Variants in LIMK1 observed in about 807,000 individuals in gnomAD.
LIMK1 encodes the protein LIM domain kinase 1, also known as LIM motif-containing protein kinase.
Under a neutral mutation model 77.6 loss-of-function variants are expected in LIMK1, and 21 were observed. The ratio of observed to expected loss-of-function variants is 0.27; its 90% confidence interval spans 0.19 to 0.39. LIMK1 has a LOEUF of 0.39. Ranked by LOEUF, LIMK1 falls within the 10% of genes least tolerant of loss-of-function variation. LIMK1 has a pLI of 1.00. For synonymous variants in LIMK1, 358 were observed against 370.0 expected (o/e 0.97, Z 0.37); for missense variants, 696 against 901.6 (o/e 0.77, Z 2.92).
chr7:74,118,094 A>G (rs1169782294), intron 13 of LIMK1, among the ~76,000 whole-genome samples: 1 of 151,514 alleles, frequency 6.6e-6, no homozygotes, highest in Non-Finnish European at 1.5e-5. Context: ...CTGTGTCTCA[A>G]AAAGAAAAAA....
intron 13 of LIMK1, among the ~76,000 whole-genome samples, chr7:74,118,730 G>C (rs1171318331): frequency 6.6e-6 from 1 of 151,912 alleles, no homozygotes; most frequent in East Asian, 1.9e-4. Context: ...TGCAGTGGGC[G>C]ACAGAGCAAG....
At chr7:74,111,237 G>C (rs1799691953) in intron 10 of LIMK1, 1 of 196,804 alleles carries the variant, frequency 5.1e-6, no homozygotes, top group African/African-American at 2.3e-5. Context: ...AGGAGTTCAA[G>C]ACCAGCCTGA....
chr7:74,092,988 C>T, intron 2 of LIMK1: 1 of 598,684 alleles, frequency 1.7e-6, no homozygotes, highest in Non-Finnish European at 2.7e-6. Context: ...AGGCTCCCTG[C>T]CTGGGGTCCA....
rs1472190388 is a variant in LIMK1 at position 74,085,663 on chromosome 7, TATATGTGGGGTGGGCAGGG to T, written c.56-84_56-66del. The T allele has an allele frequency of 4.0e-6, 4 of 994,188 alleles. No individual in the cohort carries two copies. The African/African-American group carries it at 6.4e-5, about 16-fold the overall frequency. 61.6% of individuals were successfully genotyped at this position (994,188 alleles called of 1,614,324 possible). A position where few individuals can be genotyped will look rare whatever the true frequency, so the allele number is the denominator to read the frequency against. On this transcript the variant is annotated intron_variant, in intron 1 of 15. Transcript: ENST00000336180. ...GTGCGAGGATTGGTGCAGGTGTAGG[TATATGTGGGGTGGGCAGGG>T]CAAGCTGGGCCTGCACCAGATCACA...
rs782179446 is a variant in LIMK1 at position 74,121,250 on chromosome 7, C to G, written c.1893C>G (p.Thr631=). ...LEQLDRGFWE[T]YRRGESGLPA... Reference sequence around the variant, plus strand: ...AGCTGGACAGAGGTTTCTGGGAGACCTACCGGCGCGGCGAGAGCGGACTGC... The same window carrying G: ...AGCTGGACAGAGGTTTCTGGGAGACGTACCGGCGCGGCGAGAGCGGACTGC... The change falls in exon 16 of 16, where the codon ACC becomes ACG. Residue 631 remains threonine, a synonymous_variant. Transcript: ENST00000336180. 4 of 1,613,176 alleles carry G rather than the reference C, an allele frequency of 2.5e-6. No homozygotes were observed. Among genetic ancestry groups the G allele is most frequent in the Non-Finnish European group, 3.4e-6 (4 of 1,179,880 alleles).
At chr7:74,108,028 G>T in intron 9 of LIMK1, 71 bp downstream of exon 9, 1 of 1,106,028 alleles carries the variant, frequency 9.0e-7, no homozygotes, top group Non-Finnish European at 1.3e-6. Flanking sequence ...ATCAACACAG[G>T]TCGGAAAAGG....
At chr7:74,096,600 C>A (rs1799340657) in intron 2 of LIMK1, 22 bp from the exon 3 acceptor site, 2 of 1,613,818 alleles carry the variant, frequency 1.2e-6, no homozygotes, top group Middle Eastern at 3.3e-4. Context: ...GTGGACGTCT[C>A]AGCCCGGCCC....
intron 4 of LIMK1, 28 bp from the exon 5 acceptor site, chr7:74,099,002 CTT>C: frequency 1.9e-6 from 3 of 1,581,468 alleles, no homozygotes; most frequent in Non-Finnish European, 2.6e-6. Context: ...CCTTGACACT[CTT>C]TTCTTCCCAC....
intron 2 of LIMK1, among the ~76,000 whole-genome samples, chr7:74,089,144 A>G (rs1440700779): frequency 6.6e-6 from 1 of 152,238 alleles, no homozygotes; most frequent in African/African-American, 2.4e-5. Flanking sequence ...ATTCCATGCA[A>G]TCAAGTGCCT....
chr7:74,084,921 G>A (rs1038404683), intron 1 of LIMK1, among the ~76,000 whole-genome samples: 1 of 152,130 alleles, frequency 6.6e-6, no homozygotes, highest in African/African-American at 2.4e-5. Context: ...TGGGGTAGGG[G>A]CCCACCTTCC....
In LIMK1 at chr7:74,085,743, T is replaced by C. The variant is rs1384130691; in HGVS notation, c.56-5T>C. On this transcript the variant is annotated splice_polypyrimidine_tract_variant and splice_region_variant and intron_variant, in intron 1 of 15. Transcript: ENST00000336180. ...ATGCTTCCCAACTCCCTTCCCACCCTGCAGGAAGCGAGTTGCCCGTGTGTG... is the reference window on the plus strand; with the variant it reads ...ATGCTTCCCAACTCCCTTCCCACCCCGCAGGAAGCGAGTTGCCCGTGTGTG... The C allele has an allele frequency of 1.9e-6, 3 of 1,552,892 alleles. No individual in the cohort carries two copies. Among genetic ancestry groups the C allele is most frequent in the Admixed American group, 3.9e-5 (2 of 51,484 alleles).
chr7:74,111,044 T>C (rs1365301339), intron 10 of LIMK1: 1 of 151,934 alleles, frequency 6.6e-6, no homozygotes, highest in Non-Finnish European at 1.5e-5. Context: ...GAGAACAGCC[T>C]GGCCAACATG....
At chr7:74,095,616 G>C (rs1031487198) in intron 2 of LIMK1, among the ~76,000 whole-genome samples, 3 of 152,094 alleles carry the variant, frequency 2.0e-5, no homozygotes, top group African/African-American at 7.2e-5. Flanking sequence ...GTGTTGCCCA[G>C]GCTGGCCTCA....
chr7:74,112,836 G>A (rs1799730621), intron 12 of LIMK1, among the ~76,000 whole-genome samples: 1 of 151,218 alleles, frequency 6.6e-6, no homozygotes, highest in Non-Finnish European at 1.5e-5. Context: ...AAAAAAAAAA[G>A]AGGAGGCTTT....
At position 74,089,176 on chromosome 7, in the gene LIMK1, G is replaced by A. The variant is rs112783115; in HGVS notation, c.152+3332G>A. Among the ~76,000 whole-genome samples, 3 of 152,324 alleles carry A rather than the reference G, an allele frequency of 2.0e-5. 1 individual carries two copies. The highest frequency in any genetic ancestry group is 7.2e-5 in the African/African-American group (3 of 41,584). ...GCCTCGCTGAAGGTTGTAACATCTAGAGCTGGGACTAAAACCTTCTCACTC... is the reference window on the plus strand; with the variant it reads ...GCCTCGCTGAAGGTTGTAACATCTAAAGCTGGGACTAAAACCTTCTCACTC... On this transcript the variant is annotated intron_variant, in intron 2 of 15. Transcript: ENST00000336180.
chr7:74,088,144 G>A (rs558155120), intron 2 of LIMK1, among the ~76,000 whole-genome samples: 2 of 152,220 alleles, frequency 1.3e-5, no homozygotes, highest in Non-Finnish European at 2.9e-5. Context: ...CCTGTTCTAA[G>A]TACTTTGCAT....
At chr7:74,098,574 C>T (rs765344231) in intron 4 of LIMK1, among the ~76,000 whole-genome samples, 2 of 152,170 alleles carry the variant, frequency 1.3e-5, no homozygotes, top group African/African-American at 4.8e-5. Flanking sequence ...TGGCCAGGTG[C>T]AGTGGCTCAC....
chr7:74,086,637 CA>C (rs1799142431), intron 2 of LIMK1, among the ~76,000 whole-genome samples: 1 of 152,148 alleles, frequency 6.6e-6, no homozygotes, highest in Non-Finnish European at 1.5e-5. Flanking sequence ...GCTAGGCTTA[CA>C]GGCGTGAGCT....
At chr7:74,094,166 G>A (rs868940036) in intron 2 of LIMK1, 1 of 152,526 alleles carries the variant, frequency 6.6e-6, no homozygotes, top group African/African-American at 2.4e-5. Context: ...CTGGGGCCGC[G>A]GGGAGCTGGC....
Sources: gnomAD v4.1 joint callset for allele counts (sites outside exome capture counted in the v4.1 genomes callset) on GRCh38, gnomAD v4.1.1 for gene constraint, MANE v1.5 for transcripts, NCBI Gene and HGNC (gene_info 2026-07-23, HGNC 2026-07-21) for gene names.